ANKS1B: variants seen among roughly 807,000 people sequenced by gnomAD.
ANKS1B encodes the protein ankyrin repeat and sterile alpha motif domain containing 1B, also known as ankyrin repeat and sterile alpha motif domain-containing protein 1B.
A neutral mutation model predicts 148.3 loss-of-function variants in ANKS1B; 36 were observed. The ratio of observed to expected loss-of-function variants is 0.24; its 90% CI spans 0.19 to 0.32. ANKS1B has a LOEUF of 0.32. Among genes scored for constraint, ANKS1B ranks in the 10% least tolerant of loss-of-function variants. ANKS1B has a pLI of 1.00. For missense variants in ANKS1B, 1,157 were observed against 1,542.6 expected (o/e 0.75, Z 4.19); for synonymous variants, 542 against 560.8 (o/e 0.97, Z 0.47).
At chr12:99,739,787 C>T (rs912757585) in intron 8 of ANKS1B, among the ~76,000 whole-genome samples, 7 of 152,276 alleles carry the variant, frequency 4.6e-5, no homozygotes, top group South Asian at 2.1e-4. Flanking sequence ...AACTGTTCCA[C>T]CTGCTTCAGG....
At position 98,848,605 on chromosome 12, in the gene ANKS1B, C is replaced by T. The variant is rs552608108; in HGVS notation, c.2779-16469G>A. On this transcript the variant is annotated intron_variant, in intron 17 of 26. Transcript: ENST00000683438. The stretch of plus-strand genomic sequence containing the variant: ...GCGGAGTCTCGCTCTGTCGCCCAGG[C>T]TGGAGTACAGTGGCATGATCTCAGC... Among the ~76,000 whole-genome samples, 4 of 150,396 alleles carry T rather than the reference C, an allele frequency of 2.7e-5. No homozygotes were observed. The South Asian group carries it at 8.4e-4, about 32-fold the overall frequency.
intron 10 of ANKS1B, among the ~76,000 whole-genome samples, chr12:99,455,819 G>T (rs1308339678): frequency 1.3e-5 from 2 of 152,038 alleles, no homozygotes; most frequent in African/African-American, 4.8e-5. Context: ...CCACTTGATG[G>T]TTATTGTCTG....
intron 10 of ANKS1B, among the ~76,000 whole-genome samples, chr12:99,486,314 G>T (rs984495165): frequency 1.3e-5 from 2 of 151,718 alleles, no homozygotes; most frequent in Non-Finnish European, 2.9e-5. Context: ...AGATTTCCTT[G>T]GTTATAGTCT....
At chr12:99,419,568 A>G (rs2095022000) in intron 11 of ANKS1B, among the ~76,000 whole-genome samples, 2 of 152,192 alleles carry the variant, frequency 1.3e-5, no homozygotes, top group South Asian at 4.1e-4. Flanking sequence ...AGCAGCCAAA[A>G]TATTAATAAA....
chr12:99,277,855 A>G (rs1027118091), intron 12 of ANKS1B, among the ~76,000 whole-genome samples: 10 of 152,226 alleles, frequency 6.6e-5, no homozygotes, highest in African/African-American at 2.4e-4. Flanking sequence ...CCCATAGACT[A>G]TTCCTGAATA....
chr12:98,894,987 C>T (rs1360779236), intron 17 of ANKS1B: 12 of 803,268 alleles, frequency 1.5e-5, no homozygotes, highest in Non-Finnish European at 1.6e-5. Flanking sequence ...CCTGCCCTGG[C>T]GGCAGCGGCG....
intron 1 of ANKS1B, among the ~76,000 whole-genome samples, chr12:99,888,486 A>G (rs2092935347): frequency 6.6e-6 from 1 of 152,246 alleles, no homozygotes; most frequent in Admixed American, 6.5e-5. Context: ...CAGACAGAAC[A>G]GAAAACAAGT....
chr12:99,036,133 T>C (rs946665156), intron 17 of ANKS1B, among the ~76,000 whole-genome samples: 2 of 150,796 alleles, frequency 1.3e-5, no homozygotes, highest in African/African-American at 5.0e-5. Flanking sequence ...AGGCAGGAGA[T>C]ACATGAGCGA....
At chr12:99,739,911 T>C (rs2059937131) in intron 8 of ANKS1B, among the ~76,000 whole-genome samples, 1 of 152,202 alleles carries the variant, frequency 6.6e-6, no homozygotes, top group South Asian at 2.1e-4. Flanking sequence ...ATTTGCTCCA[T>C]AGCACTTATC....
chr12:99,453,581 G>A (rs555877158), intron 10 of ANKS1B, among the ~76,000 whole-genome samples: 2 of 152,342 alleles, frequency 1.3e-5, no homozygotes, highest in African/African-American at 4.8e-5. Context: ...AAAGACTGCA[G>A]TTCTAGCCAA....
At chr12:99,744,492 A>T (rs2060406085) in intron 8 of ANKS1B, among the ~76,000 whole-genome samples, 1 of 152,228 alleles carries the variant, frequency 6.6e-6, no homozygotes, top group Non-Finnish European at 1.5e-5. Flanking sequence ...CTCTGCATTC[A>T]GATTAACTTC....
chr12:99,421,167 G>A (rs2095068768), intron 11 of ANKS1B, among the ~76,000 whole-genome samples: 1 of 152,176 alleles, frequency 6.6e-6, no homozygotes, highest in Non-Finnish European at 1.5e-5. Context: ...TTTAGTATAA[G>A]TAGGATCTAA....
intron 8 of ANKS1B, among the ~76,000 whole-genome samples, chr12:99,656,983 A>G (rs2098452601): frequency 6.6e-6 from 1 of 152,122 alleles, no homozygotes; most frequent in African/African-American, 2.4e-5. Context: ...TTCTGCATTC[A>G]CATTTTAACT....
intron 12 of ANKS1B, among the ~76,000 whole-genome samples, chr12:99,280,956 C>CT (rs1264174018): frequency 6.6e-6 from 1 of 151,848 alleles, no homozygotes; most frequent in African/African-American, 2.4e-5. Flanking sequence ...CTCTCTCTCT[C>CT]TCTCGCTATT....
intron 17 of ANKS1B, among the ~76,000 whole-genome samples, chr12:99,033,998 T>C (rs1006080875): frequency 6.6e-6 from 1 of 152,174 alleles, no homozygotes; most frequent in African/African-American, 2.4e-5. Context: ...GGAAGACCCT[T>C]GGGTGTTGAG....
intron 13 of ANKS1B, 109 bp downstream of exon 13, chr12:99,246,166 C>CTT: frequency 9.7e-6 from 7 of 719,858 alleles, no homozygotes; most frequent in Non-Finnish European, 1.5e-5. Flanking sequence ...GAGCCGTATG[C>CTT]TTTTTTTTTT....
intron 12 of ANKS1B, among the ~76,000 whole-genome samples, chr12:99,397,991 A>C (rs967186869): frequency 6.6e-6 from 1 of 152,106 alleles, no homozygotes; most frequent in Non-Finnish European, 1.5e-5. Context: ...TTCAGCAAAG[A>C]AAGCCAGTAT....
At chr12:98,768,452 A>AAAAAG (rs869274557) in intron 25 of ANKS1B, among the ~76,000 whole-genome samples, 4 of 148,678 alleles carry the variant, frequency 2.7e-5, no homozygotes, top group East Asian at 2.0e-4. Context: ...AAAAAAAAAA[A>AAAAAG]GGCCGGGCAC....
At chr12:99,244,196 CATT>C (rs1233165516) in intron 14 of ANKS1B, 143 bp downstream of exon 14, 71 of 582,696 alleles carry the variant, frequency 1.2e-4, no homozygotes, top group Non-Finnish European at 1.8e-4. Context: ...GCTTATATGT[CATT>C]GTTGTTAGAT....
Sources: allele counts gnomAD v4.1 joint callset (sites outside exome capture counted in the v4.1 genomes callset), GRCh38; gene constraint gnomAD v4.1.1; transcripts MANE v1.5; gene names NCBI Gene and HGNC (gene_info 2026-07-23, HGNC 2026-07-21).